Variants in LRMDA observed in about 807,000 individuals in gnomAD.
The protein encoded by LRMDA is leucine rich melanocyte differentiation associated.
LRMDA carries 18 observed loss-of-function variants against 29.8 expected under a neutral mutation model. The observed-to-expected ratio is 0.60, with a 90% CI of 0.42 to 0.90. The LOEUF (loss-of-function observed/expected upper bound fraction) is 0.90, where lower values mean the gene tolerates loss of function less well. LRMDA is among the 40% of genes least tolerant of loss of function. The probability of loss-of-function intolerance (pLI) is 0.00; values close to 1 mark genes in which losing one functional copy is unlikely to be tolerated. For synonymous variants in LRMDA, 125 were observed against 109.4 expected (o/e 1.14, Z -0.89); for missense variants, 273 against 273.9 (o/e 1.00, Z 0.02).
intron 5 of LRMDA, among the ~76,000 whole-genome samples, chr10:76,188,985 G>A (rs971334789): frequency 6.7e-6 from 1 of 149,492 alleles, no homozygotes; most frequent in Non-Finnish European, 1.5e-5. Context: ...TGTTTATTAA[G>A]TAGTTAGATC....
At chr10:75,585,445 T>C (rs1451664454) in intron 2 of LRMDA, among the ~76,000 whole-genome samples, 2 of 152,242 alleles carry the variant, frequency 1.3e-5, no homozygotes, top group African/African-American at 4.8e-5. Flanking sequence ...AATGTTGTTA[T>C]GAACATTCTT....
chr10:75,565,693 G>T (rs950119829), intron 2 of LRMDA, among the ~76,000 whole-genome samples: 31 of 152,292 alleles, frequency 2.0e-4, no homozygotes, highest in African/African-American at 6.3e-4. Context: ...GGAAAGGTAT[G>T]TTATTTTTTT....
At chr10:75,493,784 G>T (rs1473557020) in intron 2 of LRMDA, among the ~76,000 whole-genome samples, 1 of 152,112 alleles carries the variant, frequency 6.6e-6, no homozygotes, top group East Asian at 1.9e-4. Flanking sequence ...TCATAACTCC[G>T]GGGAGAAGAG....
chr10:75,916,932 A>G (rs1845944621), intron 2 of LRMDA, among the ~76,000 whole-genome samples: 1 of 152,248 alleles, frequency 6.6e-6, no homozygotes, highest in Admixed American at 6.5e-5. Context: ...GAAGGAAAAC[A>G]GAGCGTTGGC....
At chr10:76,363,284 G>GAAGGAAGGA (rs1841350897) in intron 6 of LRMDA, among the ~76,000 whole-genome samples, 1 of 125,840 alleles carries the variant, frequency 7.9e-6, no homozygotes, top group South Asian at 2.6e-4. Flanking sequence ...GGAAAGGAAG[G>GAAGGAAGGA]AAGGAAGGAA....
chr10:75,644,795 C>G (rs1841495614), intron 2 of LRMDA, among the ~76,000 whole-genome samples: 1 of 152,138 alleles, frequency 6.6e-6, no homozygotes, highest in African/African-American at 2.4e-5. Flanking sequence ...GGATGTAAAC[C>G]TCATGAATGA....
At chr10:76,278,411 G>A (rs756537662) in intron 5 of LRMDA, among the ~76,000 whole-genome samples, 7 of 152,082 alleles carry the variant, frequency 4.6e-5, no homozygotes, top group Non-Finnish European at 7.4e-5. Flanking sequence ...AGTGCTCAAC[G>A]CATGTAAAAC....
At chr10:76,267,194 A>G (rs1247468) in intron 5 of LRMDA, among the ~76,000 whole-genome samples, 150,929 of 152,244 alleles carry the variant, frequency 0.99, 74,818 homozygotes, top group East Asian at 1. Context: ...CTTTATGCAC[A>G]TAATTTTTTT....
At chr10:75,999,680 T>C (rs550732865) in intron 2 of LRMDA, among the ~76,000 whole-genome samples, 2 of 152,334 alleles carry the variant, frequency 1.3e-5, no homozygotes, top group East Asian at 3.9e-4. Flanking sequence ...ATAATTGACC[T>C]AAAAAGTTCT....
chr10:75,980,533 T>C (rs531177303), intron 2 of LRMDA, among the ~76,000 whole-genome samples: 1 of 152,290 alleles, frequency 6.6e-6, no homozygotes, highest in East Asian at 1.9e-4. Context: ...GGCTATAATG[T>C]TCTGTCATGC....
intron 2 of LRMDA, among the ~76,000 whole-genome samples, chr10:75,599,730 G>A (rs1171708439): frequency 6.6e-6 from 1 of 152,158 alleles, no homozygotes; most frequent in Non-Finnish European, 1.5e-5. Context: ...TATAGATATC[G>A]AGCACTTCAA....
At chr10:75,656,535 T>G (rs1841676967) in intron 2 of LRMDA, among the ~76,000 whole-genome samples, 1 of 152,192 alleles carries the variant, frequency 6.6e-6, no homozygotes, top group African/African-American at 2.4e-5. Flanking sequence ...TAAGGCTGAT[T>G]GAGTGAGGGA....
chr10:75,657,620 A>G (rs7069677), intron 2 of LRMDA, among the ~76,000 whole-genome samples: 2,625 of 152,266 alleles, frequency 0.017, 91 homozygotes, highest in African/African-American at 0.06. Flanking sequence ...TAACACCAGT[A>G]TGTACCTTTG....
chr10:76,481,758 C>T (rs1325784616), intron 6 of LRMDA, among the ~76,000 whole-genome samples: 1 of 151,894 alleles, frequency 6.6e-6, no homozygotes, highest in African/African-American at 2.4e-5. Context: ...TAAGTCCTTT[C>T]CAATAACAAG....
At chr10:75,582,517 G>A (rs1307547912) in intron 2 of LRMDA, among the ~76,000 whole-genome samples, 1 of 152,200 alleles carries the variant, frequency 6.6e-6, no homozygotes, top group Non-Finnish European at 1.5e-5. Flanking sequence ...CCTGAGGCTG[G>A]GCAGGGTAGC....
At chr10:76,144,536 T>A (rs536579462) in intron 5 of LRMDA, among the ~76,000 whole-genome samples, 2 of 152,358 alleles carry the variant, frequency 1.3e-5, no homozygotes, top group South Asian at 4.1e-4. Flanking sequence ...TTTTGTACAT[T>A]GATTTTGTAT....
At chr10:75,648,715 C>T (rs1041416823) in intron 2 of LRMDA, among the ~76,000 whole-genome samples, 6 of 152,108 alleles carry the variant, frequency 3.9e-5, no homozygotes, top group African/African-American at 1.4e-4. Context: ...GGAAGTTTCA[C>T]TTTTCTAAGT....
intron 5 of LRMDA, among the ~76,000 whole-genome samples, chr10:76,308,248 C>T (rs538801952): frequency 8.2e-4 from 125 of 152,228 alleles, no homozygotes; most frequent in African/African-American, 3.0e-3. Flanking sequence ...TAAATACTGT[C>T]TTTATTATGC....
intron 2 of LRMDA, among the ~76,000 whole-genome samples, chr10:75,586,623 AG>A (rs1003072231): frequency 3.9e-5 from 6 of 152,098 alleles, no homozygotes; most frequent in African/African-American, 1.4e-4. Context: ...TACAGACATG[AG>A]GCACTGTGTC....
Sources: gnomAD v4.1 joint callset for allele counts (sites outside exome capture counted in the v4.1 genomes callset) on GRCh38, gnomAD v4.1.1 for gene constraint, MANE v1.5 for transcripts, NCBI Gene and HGNC (gene_info 2026-07-23, HGNC 2026-07-21) for gene names.